Variants in DMGDH observed in about 807,000 individuals in gnomAD.
DMGDH encodes the protein dimethylglycine dehydrogenase, mitochondrial.
In DMGDH, 76 loss-of-function variants were observed where a neutral mutation model predicts 95.2. The ratio of observed to expected loss-of-function variants is 0.80; its 90% CI spans 0.66 to 0.97. DMGDH has a LOEUF of 0.97. Among genes scored for constraint, DMGDH ranks in the 50% least tolerant of loss-of-function variants. The pLI is 0.00. For synonymous variants in DMGDH, 345 were observed against 377.6 expected (o/e 0.91, Z 1.00); for missense variants, 987 against 1,055.0 (o/e 0.94, Z 0.89).
At chr5:79,050,613 C>G (rs1580221215) in intron 5 of DMGDH, among the ~76,000 whole-genome samples, 1 of 152,136 alleles carries the variant, frequency 6.6e-6, no homozygotes, top group Non-Finnish European at 1.5e-5. Flanking sequence ...TGTATTAACT[C>G]AAGAATCAAA....
chr5:79,039,216 C>T (rs999797619), intron 7 of DMGDH, among the ~76,000 whole-genome samples: 1 of 151,646 alleles, frequency 6.6e-6, no homozygotes, highest in Non-Finnish European at 1.5e-5. Context: ...GGGTATATAC[C>T]CAAAGGACTA....
intron 9 of DMGDH, 146 bp downstream of exon 9, chr5:79,032,541 G>A: frequency 8.6e-7 from 1 of 1,168,814 alleles, no homozygotes; most frequent in Non-Finnish European, 1.3e-6. Context: ...TGCCACCACT[G>A]CCAGAGAGTA....
chr5:79,062,588 A>C (rs529245785), intron 2 of DMGDH, among the ~76,000 whole-genome samples: 1 of 152,072 alleles, frequency 6.6e-6, no homozygotes, highest in Admixed American at 6.6e-5. Flanking sequence ...TGGTTTGGCA[A>C]TATGACAGCA....
At chr5:79,000,095 T>C in intron 15 of DMGDH, 3 of 414,020 alleles carry the variant, frequency 7.2e-6, no homozygotes, top group Non-Finnish European at 9.4e-6. Context: ...ACTTACTCCA[T>C]TACTCAGTGA....
chr5:79,013,499 C>G (rs1167371986), intron 14 of DMGDH, among the ~76,000 whole-genome samples: 5 of 152,200 alleles, frequency 3.3e-5, no homozygotes, highest in African/African-American at 4.8e-5. Context: ...GCCCATTACC[C>G]AGTTCCAAAG....
At chr5:79,061,612 C>T (rs1755212381) in intron 2 of DMGDH, among the ~76,000 whole-genome samples, 1 of 152,094 alleles carries the variant, frequency 6.6e-6, no homozygotes, top group Admixed American at 6.6e-5. Context: ...CAAGGAATCC[C>T]GTAACCTCTT....
Position 79,057,686 on chromosome 5 carries a change from C to T in DMGDH, c.277-1778G>A, listed in dbSNP as rs1429768591. On this transcript the variant is annotated intron_variant, in intron 2 of 15. Transcript: ENST00000255189. ...CTTTAACATGTTGGTATCCAGTGTG[C>T]ATGCAAACTTTCCTGGTTCAATAAT... Among the ~76,000 whole-genome samples, 3 of 152,186 alleles carry T rather than the reference C, an allele frequency of 2.0e-5. No individual in the cohort carries two copies. In the East Asian group the frequency reaches 5.8e-4, roughly 29 times the overall value.
intron 14 of DMGDH, among the ~76,000 whole-genome samples, chr5:79,015,727 A>G (rs1753719989): frequency 6.6e-6 from 1 of 152,236 alleles, no homozygotes; most frequent in African/African-American, 2.4e-5. Flanking sequence ...TGCTGTAAGG[A>G]GAATACAGCT....
chr5:79,027,077 C>G (rs1213555407), intron 12 of DMGDH, among the ~76,000 whole-genome samples: 1 of 152,230 alleles, frequency 6.6e-6, no homozygotes, highest in African/African-American at 2.4e-5. Flanking sequence ...TCTCCCCCTC[C>G]CACTTCTTCC....
intron 14 of DMGDH, chr5:79,021,093 GA>G: frequency 1.0e-6 from 1 of 986,210 alleles, no homozygotes; most frequent in Non-Finnish European, 1.2e-6. Flanking sequence ...CGTTTCAGGT[GA>G]AGCGTTTTTA....
At chr5:79,062,169 A>G (rs1251968393) in intron 2 of DMGDH, among the ~76,000 whole-genome samples, 1 of 151,656 alleles carries the variant, frequency 6.6e-6, no homozygotes, top group Non-Finnish European at 1.5e-5. Context: ...CCTCTTTGAA[A>G]CATCCTCCCT....
chr5:79,016,210 C>T (rs1380077436), intron 14 of DMGDH, among the ~76,000 whole-genome samples: 1 of 151,182 alleles, frequency 6.6e-6, no homozygotes, highest in Non-Finnish European at 1.5e-5. Flanking sequence ...TGCACTCCAG[C>T]CTGGAGACAG....
chr5:79,032,749 C>A lies in DMGDH; in HGVS notation c.1455G>T (p.Gly485=). The A allele has an allele frequency of 6.2e-7, 1 of 1,614,158 alleles. No homozygotes were observed. Among genetic ancestry groups the A allele is most frequent in the Non-Finnish European group, 8.5e-7 (1 of 1,180,016 alleles). Residue 485 remains glycine, a synonymous_variant, in exon 9 of 16, where the codon GGG becomes GGT. Transcript: ENST00000255189. ...GCGGCTGCTCCCAGCCAGCATGGAA[C>A]CCCATGGAACACTTAGACTCCAGCC... ...YQRLESKCSM[G]FHAGWEQPHW...
chr5:79,066,291 T>A (rs947964919), intron 1 of DMGDH, among the ~76,000 whole-genome samples: 9 of 152,170 alleles, frequency 5.9e-5, no homozygotes, highest in Non-Finnish European at 1.2e-4. Flanking sequence ...GTTATTCTAT[T>A]TTATTTTTTT....
intron 6 of DMGDH, among the ~76,000 whole-genome samples, chr5:79,043,897 G>C (rs779142498): frequency 2.6e-5 from 4 of 152,148 alleles, no homozygotes; most frequent in Non-Finnish European, 4.4e-5. Context: ...TTCTTATTAG[G>C]ATGGATATCT....
In DMGDH at chr5:79,069,575, T is replaced by TCCGCAGCAGGAGGCC. The variant is rs1266218905; in HGVS notation, c.31_45dup (p.Gly11_Arg15dup). The TCCGCAGCAGGAGGCC allele has an allele frequency of 5.9e-6, 8 of 1,351,432 alleles. No individual in the cohort carries two copies. The highest frequency in any genetic ancestry group is 3.2e-5 in the Admixed American group (1 of 31,476). 83.7% of individuals were successfully genotyped at this position (1,351,432 alleles called of 1,614,324 possible). ...CCGGGGGAGCCCTGCAGCGGGCAGC[T>TCCGCAGCAGGAGGCC]CCGCAGCAGGAGGCCCCGCAGCAGC... is the stretch of plus-strand genomic sequence containing the variant. On this transcript the variant is annotated inframe_insertion, in exon 1 of 16. Transcript: ENST00000255189.
In DMGDH at chr5:79,042,293, T is replaced by C; in HGVS notation, c.1183A>G (p.Ile395Val). The C allele has an allele frequency of 6.2e-7, 1 of 1,614,100 alleles. No homozygotes were observed. The highest frequency in any genetic ancestry group is 8.5e-7 in the Non-Finnish European group (1 of 1,179,936). The change falls in exon 7 of 16, where the codon ATA (isoleucine) becomes GTA (valine). Residue 395 changes from isoleucine to valine, a missense_variant. Ile to Val is a conservative substitution (Grantham distance 29). Coordinates refer to ENST00000255189, the MANE Select transcript of DMGDH (RefSeq NM_013391.3). ...HQGVRNYWVA[I>V]GFGYGIIHAG... The stretch of plus-strand genomic sequence containing the variant: ...CATGAAGATACTTACCCAAAGCCTA[T>C]AGCCACCCAGTAGTTTCTGACCCCC...
rs142368010 is a variant in DMGDH at position 79,001,984 on chromosome 5, A to C, written c.2385+3289T>G. ...TTTTAGTTCAGTGAACTGTGAGAAC[A>C]ATCTGTCCCCACCCTCTGCCTGGCA... On this transcript the variant is annotated intron_variant, in intron 15 of 15. Transcript: ENST00000255189. Among the ~76,000 whole-genome samples, 255 of 152,330 alleles carry C rather than the reference A, an allele frequency of 1.7e-3. 1 individual carries two copies. The highest frequency in any genetic ancestry group is 6.0e-3 in the African/African-American group (248 of 41,570).
intron 7 of DMGDH, among the ~76,000 whole-genome samples, chr5:79,035,433 A>G (rs1199601205): frequency 1.3e-5 from 2 of 152,166 alleles, no homozygotes; most frequent in African/African-American, 4.8e-5. Flanking sequence ...CAGCCCCCAC[A>G]CAGAGGCTAA....
Sources: gnomAD v4.1 joint callset for allele counts (sites outside exome capture counted in the v4.1 genomes callset) on GRCh38, gnomAD v4.1.1 for gene constraint, MANE v1.5 for transcripts, NCBI Gene and HGNC (gene_info 2026-07-23, HGNC 2026-07-21) for gene names.